Variants in CDH4 observed in about 807,000 individuals in gnomAD.
The protein encoded by CDH4 is cadherin 4.
A neutral mutation model predicts 86.0 loss-of-function variants in CDH4; 33 were observed. The ratio of observed to expected loss-of-function variants is 0.38; its 90% CI spans 0.29 to 0.51. CDH4 has a LOEUF of 0.51. CDH4 is among the 20% of genes least tolerant of loss of function. The pLI, the probability that CDH4 is intolerant of heterozygous loss-of-function variation, is 0.86. For synonymous variants in CDH4, 555 were observed against 549.4 expected (o/e 1.01, Z -0.14); for missense variants, 1,114 against 1,307.4 (o/e 0.85, Z 2.28).
chr20:61,365,406 G>A (rs1379258855), intron 2 of CDH4, among the ~76,000 whole-genome samples: 1 of 152,112 alleles, frequency 6.6e-6, no homozygotes, highest in Non-Finnish European at 1.5e-5. Flanking sequence ...GGGACGGGGT[G>A]GAAACCTGAG....
At chr20:61,657,493 A>G (rs1202091588) in intron 2 of CDH4, among the ~76,000 whole-genome samples, 2 of 152,138 alleles carry the variant, frequency 1.3e-5, no homozygotes, top group Non-Finnish European at 2.9e-5. Flanking sequence ...CTTTTTTCTC[A>G]TTTACCAAAA....
At chr20:61,644,439 C>T (rs532682035) in intron 2 of CDH4, among the ~76,000 whole-genome samples, 1 of 152,338 alleles carries the variant, frequency 6.6e-6, no homozygotes, top group Admixed American at 6.5e-5. Context: ...ACAGCTCTAC[C>T]ATCCTGCCTT....
intron 15 of CDH4, among the ~76,000 whole-genome samples, chr20:61,934,985 G>A (rs4925321): frequency 0.2 from 29,767 of 152,218 alleles, 3,386 homozygotes; most frequent in Middle Eastern, 0.28. Flanking sequence ...CTTCGTTCCC[G>A]TCTTCCATCT....
chr20:61,533,386 G>A (rs1376002118), intron 2 of CDH4, among the ~76,000 whole-genome samples: 4 of 152,232 alleles, frequency 2.6e-5, no homozygotes, highest in Admixed American at 6.5e-5. Flanking sequence ...GCTGCAACCC[G>A]CTGATGTAAA....
intron 2 of CDH4, among the ~76,000 whole-genome samples, chr20:61,384,779 T>A (rs78459737): frequency 6.6e-6 from 1 of 151,932 alleles, no homozygotes; most frequent in Non-Finnish European, 1.5e-5. Flanking sequence ...CTTCTTTTTT[T>A]ATACTTTTCT....
chr20:61,328,683 G>A (rs537382991), intron 2 of CDH4, among the ~76,000 whole-genome samples: 1 of 152,300 alleles, frequency 6.6e-6, no homozygotes, highest in Non-Finnish European at 1.5e-5. Flanking sequence ...CTACTTGGGA[G>A]GCTGAGGCAG....
At chr20:61,875,335 TGGG>T (rs933875760) in intron 7 of CDH4, among the ~76,000 whole-genome samples, 1 of 151,922 alleles carries the variant, frequency 6.6e-6, no homozygotes, top group East Asian at 1.9e-4. Flanking sequence ...AGAGGCCAGT[TGGG>T]GGGTAACCCT....
At chr20:61,323,459 C>T (rs1346783043) in intron 2 of CDH4, among the ~76,000 whole-genome samples, 2 of 152,202 alleles carry the variant, frequency 1.3e-5, no homozygotes, top group African/African-American at 4.8e-5. Flanking sequence ...AATCCATGCA[C>T]AGGAAGAAAC....
At chr20:61,258,173 CA>C (rs1256150944) in intron 2 of CDH4, among the ~76,000 whole-genome samples, 170 of 151,586 alleles carry the variant, frequency 1.1e-3, no homozygotes, top group Middle Eastern at 3.4e-3. Context: ...ACTAAAAATA[CA>C]AAAAAATTAG....
intron 2 of CDH4, among the ~76,000 whole-genome samples, chr20:61,574,806 T>A (rs960386349): frequency 6.6e-6 from 1 of 152,044 alleles, no homozygotes; most frequent in Non-Finnish European, 1.5e-5. Flanking sequence ...TTGGACCAAG[T>A]CCAGGGTTCT....
chr20:61,559,519 C>CTTTTTTTTTTTTTTTTTTTT (rs1156864328), intron 2 of CDH4, among the ~76,000 whole-genome samples: 3 of 105,176 alleles, frequency 2.9e-5, no homozygotes, highest in African/African-American at 4.2e-5. Context: ...ATTTTTTTTT[C>CTTTTTTTTTTTTTTTTTTTT]TTTTTTTTTT....
At chr20:61,555,945 A>G (rs1368508967) in intron 2 of CDH4, among the ~76,000 whole-genome samples, 1 of 152,196 alleles carries the variant, frequency 6.6e-6, no homozygotes, top group African/African-American at 2.4e-5. Context: ...TTGATTCTAC[A>G]TTAAAAATGG....
chr20:61,385,723 A>C (rs1236899143), intron 2 of CDH4, among the ~76,000 whole-genome samples: 1 of 151,992 alleles, frequency 6.6e-6, no homozygotes, highest in East Asian at 1.9e-4. Flanking sequence ...CAGGCTCAGG[A>C]TCGTCACAGA....
chr20:61,779,214 G>C (rs1344878820), intron 4 of CDH4, among the ~76,000 whole-genome samples: 2 of 152,338 alleles, frequency 1.3e-5, no homozygotes, highest in Middle Eastern at 3.4e-3. Flanking sequence ...AGGCTGTCCA[G>C]GGCAACTGCA....
intron 2 of CDH4, among the ~76,000 whole-genome samples, chr20:61,644,883 CAG>C (rs1035036313): frequency 5.3e-5 from 8 of 152,226 alleles, no homozygotes; most frequent in Non-Finnish European, 1.2e-4. Context: ...GGATCCAAAA[CAG>C]AGAAGCATTT....
chr20:61,498,360 A>G (rs2085677534), intron 2 of CDH4, among the ~76,000 whole-genome samples: 1 of 152,232 alleles, frequency 6.6e-6, no homozygotes, highest in Non-Finnish European at 1.5e-5. Flanking sequence ...ACCACAGTGT[A>G]CACTGAAACT....
At chr20:61,757,013 A>G (rs552167434) in intron 3 of CDH4, among the ~76,000 whole-genome samples, 1 of 152,344 alleles carries the variant, frequency 6.6e-6, no homozygotes, top group South Asian at 2.1e-4. Flanking sequence ...ATAAACAGCA[A>G]CAGTGCCGTT....
intron 2 of CDH4, among the ~76,000 whole-genome samples, chr20:61,650,129 G>A (rs952052874): frequency 3.9e-5 from 6 of 152,138 alleles, no homozygotes; most frequent in Admixed American, 2.0e-4. Flanking sequence ...GCCGCTGCCC[G>A]GCCCATCAAT....
At chr20:61,362,183 TG>T (rs1479331068) in intron 2 of CDH4, among the ~76,000 whole-genome samples, 6 of 150,588 alleles carry the variant, frequency 4.0e-5, no homozygotes, top group African/African-American at 1.5e-4. Flanking sequence ...AAGGTCCAGG[TG>T]GGGGCACAGC....
Sources: allele counts gnomAD v4.1 joint callset (sites outside exome capture counted in the v4.1 genomes callset), GRCh38; gene constraint gnomAD v4.1.1; transcripts MANE v1.5; gene names NCBI Gene and HGNC (gene_info 2026-07-23, HGNC 2026-07-21).